Variants in MTMR7 observed in about 807,000 individuals in gnomAD.
MTMR7 encodes the protein phosphatidylinositol-3-phosphate phosphatase MTMR7.
MTMR7 carries 76 observed loss-of-function variants against 81.2 expected under a neutral mutation model. The observed-to-expected ratio is 0.94, with a 90% confidence interval of 0.78 to 1.13. The LOEUF is 1.13. Ranked by LOEUF, MTMR7 falls within the 50% of genes most tolerant of loss-of-function variation. The pLI is 0.00. For synonymous variants in MTMR7, 372 were observed against 289.8 expected, an observed-to-expected ratio of 1.28 and a Z score of -2.88; for missense variants, 1,044 against 820.0, an observed-to-expected ratio of 1.27 and a Z score of -3.34.
intron 1 of MTMR7, among the ~76,000 whole-genome samples, chr8:17,410,949 A>G (rs1356489261): frequency 6.6e-6 from 1 of 152,194 alleles, no homozygotes; most frequent in African/African-American, 2.4e-5. Flanking sequence ...CTCCTTGCAA[A>G]CCCAAGACAT....
At chr8:17,360,698 C>A (rs1051492867) in intron 4 of MTMR7, among the ~76,000 whole-genome samples, 2 of 151,832 alleles carry the variant, frequency 1.3e-5, no homozygotes, top group Non-Finnish European at 2.9e-5. Context: ...CCTTGTGTAC[C>A]AAGCAAGGAC....
chr8:17,326,402 T>A (rs1236093749), intron 7 of MTMR7: 2 of 152,164 alleles, frequency 1.3e-5, no homozygotes, highest in Non-Finnish European at 2.9e-5. Flanking sequence ...CATAAACGTA[T>A]CTTCATTACG....
intron 6 of MTMR7, among the ~76,000 whole-genome samples, chr8:17,340,952 A>T (rs980025391): frequency 1.3e-5 from 2 of 152,218 alleles, no homozygotes; most frequent in Non-Finnish European, 2.9e-5. Context: ...CTACAAGTTG[A>T]ATTTGAAAAA....
chr8:17,406,825 A>G (rs1237684592), intron 1 of MTMR7, among the ~76,000 whole-genome samples: 1 of 152,208 alleles, frequency 6.6e-6, no homozygotes, highest in Non-Finnish European at 1.5e-5. Flanking sequence ...CAACTTAGAC[A>G]AACCTTAAAA....
intron 1 of MTMR7, among the ~76,000 whole-genome samples, chr8:17,381,609 T>G (rs1266890673): frequency 2.0e-5 from 3 of 152,148 alleles, no homozygotes; most frequent in Non-Finnish European, 4.4e-5. Context: ...GCAGTGGCAC[T>G]GGCTACCGGC....
chr8:17,393,378 T>C (rs2150578927), intron 1 of MTMR7, among the ~76,000 whole-genome samples: 1 of 152,282 alleles, frequency 6.6e-6, no homozygotes, highest in South Asian at 2.1e-4. Context: ...GGAAAATAGA[T>C]AAATTGTACT....
intron 7 of MTMR7, among the ~76,000 whole-genome samples, chr8:17,326,684 G>C (rs568887413): frequency 3.3e-5 from 5 of 152,198 alleles, no homozygotes; most frequent in Non-Finnish European, 4.4e-5. Flanking sequence ...CAGCCAACAT[G>C]TGGGGCCCTC....
Position 17,305,827 on chromosome 8 carries a change from G to C in MTMR7, c.1282C>G (p.Gln428Glu). 1.2e-6 allele frequency: 2 copies of C among 1,613,604 alleles called. No individual in the cohort carries two copies. Among genetic ancestry groups the C allele is most frequent in the Non-Finnish European group, 1.7e-6 (2 of 1,179,642 alleles). Residue 428 changes from glutamine (Q) to glutamate (E), a missense_variant, in exon 11 of 14, where the codon CAA (glutamine) becomes GAA (glutamate). Coordinates refer to ENST00000180173, the MANE Select transcript of MTMR7 (RefSeq NM_004686.5). ...AACTGGCAGGAATAAATGTGATGTT[G>C]AATGTGAATCAAAAACCTCTCATTG... ...EFNERFLIHI[Q>E]HHIYSCQFGN...
intron 1 of MTMR7, among the ~76,000 whole-genome samples, chr8:17,396,048 T>C (rs11991511): frequency 0.38 from 58,133 of 151,592 alleles, 12,048 homozygotes; most frequent in Admixed American, 0.54. Context: ...GTACATGATA[T>C]AGAATAAAAT....
intron 4 of MTMR7, among the ~76,000 whole-genome samples, chr8:17,349,847 C>G (rs1367098745): frequency 1.3e-5 from 2 of 152,104 alleles, no homozygotes; most frequent in Admixed American, 1.3e-4. Flanking sequence ...AATTAAGAAC[C>G]AGAAATCAGC....
At chr8:17,304,045 C>G (rs188651524) in intron 12 of MTMR7, among the ~76,000 whole-genome samples, 1 of 152,196 alleles carries the variant, frequency 6.6e-6, no homozygotes, top group African/African-American at 2.4e-5. Flanking sequence ...GTCATGATCA[C>G]TGTTGAAACT....
At chr8:17,307,796 C>T (rs1338361130) in intron 10 of MTMR7, among the ~76,000 whole-genome samples, 1 of 151,408 alleles carries the variant, frequency 6.6e-6, no homozygotes, top group African/African-American at 2.4e-5. Context: ...ACAAAAAAAC[C>T]AAACACCACA....
At chr8:17,381,210 G>C (rs1820748637) in intron 1 of MTMR7, among the ~76,000 whole-genome samples, 1 of 151,896 alleles carries the variant, frequency 6.6e-6, no homozygotes, top group Non-Finnish European at 1.5e-5. Flanking sequence ...AGACTGAGGG[G>C]AAAAAAGGGT....
At chr8:17,328,403 C>G (rs113022383) in intron 7 of MTMR7, among the ~76,000 whole-genome samples, 2,129 of 152,288 alleles carry the variant, frequency 0.014, 52 homozygotes, top group African/African-American at 0.049. Flanking sequence ...ATTCCAGGCT[C>G]TTCTACGGAC....
rs753708538 is a variant in MTMR7, at chr8:17,373,129, T to G, written c.136A>C (p.Lys46Gln). 9 of 1,613,722 alleles carry G rather than the reference T, an allele frequency of 5.6e-6. No individual in the cohort carries two copies. The Admixed American group carries it at 1.5e-4, about 27-fold the overall frequency. ...TAAAGAAAGCATACCCATGTTTCTT[T>G]TCTTGGGTCAGGTGAATTTTCCACG... is the stretch of plus-strand genomic sequence containing the variant. ...IFVENSPDPR[K>Q]ETWILHSQIS... The change falls in exon 2 of 14, where the codon AAA becomes CAA. Residue 46 changes from lysine to glutamine, a missense_variant. By Grantham distance (53) the Lys-to-Gln change is moderately conservative (BLOSUM62 1). Coordinates refer to ENST00000180173, the MANE Select transcript of MTMR7 (RefSeq NM_004686.5).
At chr8:17,351,688 T>C (rs1185253061) in intron 4 of MTMR7, among the ~76,000 whole-genome samples, 2 of 152,208 alleles carry the variant, frequency 1.3e-5, no homozygotes, top group African/African-American at 4.8e-5. Context: ...CCCAGAGCAC[T>C]GGGTCTAGGG....
chr8:17,355,995 C>A (rs1051699996), intron 4 of MTMR7, among the ~76,000 whole-genome samples: 1 of 152,132 alleles, frequency 6.6e-6, no homozygotes, highest in Non-Finnish European at 1.5e-5. Flanking sequence ...AGCAAAGGAA[C>A]AACAATGCTA....
chr8:17,344,774 T>C (rs974273150), intron 5 of MTMR7, among the ~76,000 whole-genome samples: 1 of 152,184 alleles, frequency 6.6e-6, no homozygotes, highest in Non-Finnish European at 1.5e-5. Context: ...GGCATAACAC[T>C]GTAAAACTCC....
chr8:17,353,350 A>T (rs983911756), intron 4 of MTMR7, among the ~76,000 whole-genome samples: 1 of 152,200 alleles, frequency 6.6e-6, no homozygotes, highest in African/African-American at 2.4e-5. Flanking sequence ...AAAGTTCCAG[A>T]GATCTATTAT....
Sources: allele counts gnomAD v4.1 joint callset (sites outside exome capture counted in the v4.1 genomes callset), GRCh38; gene constraint gnomAD v4.1.1; transcripts MANE v1.5; gene names NCBI Gene and HGNC (gene_info 2026-07-23, HGNC 2026-07-21).